RNF182: variants seen among roughly 807,000 people sequenced by gnomAD.
RNF182 encodes ring finger protein 182.
Under a neutral mutation model 14.4 loss-of-function variants are expected in RNF182, and 15 were observed. The observed-to-expected ratio is 1.04, with a 90% CI of 0.70 to 1.60. The LOEUF (loss-of-function observed/expected upper bound fraction) is 1.60. Ranked by LOEUF, RNF182 falls within the 40% of genes most tolerant of loss-of-function variation. RNF182 has a pLI of 0.00. For missense variants in RNF182, 268 were observed against 294.8 expected, an observed-to-expected ratio of 0.91 and a Z score of 0.67; for synonymous variants, 128 against 122.9, an observed-to-expected ratio of 1.04 and a Z score of -0.27.
chr6:13,940,671 G>A (rs184977741), intron 1 of RNF182, among the ~76,000 whole-genome samples: 32 of 151,758 alleles, frequency 2.1e-4, no homozygotes, highest in African/African-American at 7.7e-4. Flanking sequence ...TTCTAACTTT[G>A]TGAAAATGCT....
At chr6:13,941,906 T>C (rs1468267136) in intron 1 of RNF182, among the ~76,000 whole-genome samples, 2 of 152,216 alleles carry the variant, frequency 1.3e-5, no homozygotes, top group Non-Finnish European at 2.9e-5. Context: ...TTTATACAGT[T>C]AGTATTTATC....
rs1760438269 is a variant in RNF182, at chr6:13,979,525, G to C, written c.*1662G>C. The C allele has an allele frequency of 6.0e-6, 1 of 166,950 alleles. No individual in the cohort carries two copies. The highest frequency in any genetic ancestry group is 1.5e-5 in the Non-Finnish European group (1 of 68,124). The allele number at this position is 166,950 out of a possible 1,614,324, so 10.3% of individuals were successfully genotyped here. A position where few individuals can be genotyped will look rare whatever the true frequency, so the allele number is the denominator to read the frequency against. ...AGTAGGATGAGAATAGTATACATGG[G>C]ATATGGTCCAATGAATTTAAGCCCC... On this transcript the variant is annotated 3_prime_UTR_variant, in exon 3 of 3. Transcript: ENST00000488300.
chr6:13,965,465 C>T (rs1435689340), intron 1 of RNF182, among the ~76,000 whole-genome samples: 3 of 152,030 alleles, frequency 2.0e-5, no homozygotes, highest in Non-Finnish European at 4.4e-5. Context: ...TCTGTAAATT[C>T]AAATAGCTTA....
chr6:13,968,062 TAAC>T (rs907073179), intron 1 of RNF182, among the ~76,000 whole-genome samples: 1 of 136,932 alleles, frequency 7.3e-6, no homozygotes, highest in Non-Finnish European at 1.7e-5. Flanking sequence ...AAAAAAATCA[TAAC>T]AAACAAAAAT....
At chr6:13,950,445 A>C (rs1469530307) in intron 1 of RNF182, among the ~76,000 whole-genome samples, 1 of 151,982 alleles carries the variant, frequency 6.6e-6, no homozygotes, top group South Asian at 2.1e-4. Context: ...AATGTCTAAA[A>C]GTCATGTGAA....
chr6:13,972,551 G>A (rs979392492), intron 1 of RNF182, among the ~76,000 whole-genome samples: 5 of 152,116 alleles, frequency 3.3e-5, no homozygotes, highest in Admixed American at 1.3e-4. Flanking sequence ...TTTGTGGGCC[G>A]GACCTAGGGC....
intron 1 of RNF182, among the ~76,000 whole-genome samples, chr6:13,944,485 GAA>G (rs1405480989): frequency 3.3e-5 from 5 of 152,262 alleles, no homozygotes; most frequent in Admixed American, 2.6e-4. Flanking sequence ...AGGCCTAGTT[GAA>G]AAGAGGACTC....
At chr6:13,969,824 GGTTA>G (rs1158268212) in intron 1 of RNF182, among the ~76,000 whole-genome samples, 1 of 140,848 alleles carries the variant, frequency 7.1e-6, no homozygotes, top group Admixed American at 7.3e-5. Flanking sequence ...ACTGTTCATT[GGTTA>G]GTTAGGAATA....
rs994282036 is a variant in RNF182, at chr6:13,976,880, T to C, written c.-211-29T>C. 6 of 501,290 alleles carry C rather than the reference T, an allele frequency of 1.2e-5. No individual in the cohort carries two copies. In the Admixed American group the frequency reaches 2.1e-4, roughly 17 times the overall value. The allele number at this position is 501,290 out of a possible 1,614,324, so 31.1% of individuals were successfully genotyped here. ...AACACCGTTTCAGTGAACTGTTCAT[T>C]ATATTAGAATCTCTTTTCTTCTTTA... On this transcript the variant is annotated intron_variant, in intron 2 of 2. Transcript: ENST00000488300.
intron 1 of RNF182, chr6:13,961,547 G>A (rs887525077): frequency 3.3e-5 from 5 of 152,172 alleles, no homozygotes; most frequent in Admixed American, 2.6e-4. Context: ...AGCAGATGTG[G>A]ATACCTAAAT....
chr6:13,936,476 A>C (rs1157941379), intron 1 of RNF182, among the ~76,000 whole-genome samples: 1 of 152,230 alleles, frequency 6.6e-6, no homozygotes, highest in Non-Finnish European at 1.5e-5. Flanking sequence ...TGGTCTATAA[A>C]TATAAATTTT....
chr6:13,944,676 G>A (rs1471592853), intron 1 of RNF182, among the ~76,000 whole-genome samples: 1 of 152,162 alleles, frequency 6.6e-6, no homozygotes, highest in East Asian at 1.9e-4. Context: ...TAGTTAACCA[G>A]GTGTGCTATA....
intron 1 of RNF182, among the ~76,000 whole-genome samples, chr6:13,938,182 T>TG (rs1287332724): frequency 6.9e-6 from 1 of 145,294 alleles, no homozygotes; most frequent in Non-Finnish European, 1.5e-5. Flanking sequence ...TGTATTTTTT[T>TG]TTTTTTTTTT....
At chr6:13,956,937 C>T (rs1759749400) in intron 1 of RNF182, among the ~76,000 whole-genome samples, 3 of 152,098 alleles carry the variant, frequency 2.0e-5, no homozygotes. Flanking sequence ...CACACACACC[C>T]AGGGCAGTAC....
Position 13,979,939 on chromosome 6 carries a change from A to C in RNF182, c.*2076A>C, listed in dbSNP as rs2113659074. On this transcript the variant is annotated 3_prime_UTR_variant, in exon 3 of 3. Transcript: ENST00000488300. ...TCATGCTATTGAATGATAAAAAGAT[A>C]ATGCTTTAATATTTTATTCACTGTG... The C allele has an allele frequency of 6.0e-6, 1 of 166,988 alleles. No individual in the cohort carries two copies. The highest frequency in any genetic ancestry group is 2.1e-4 in the South Asian group (1 of 4,824). 10.3% of individuals were successfully genotyped at this position (166,988 alleles called of 1,614,324 possible).
intron 1 of RNF182, among the ~76,000 whole-genome samples, chr6:13,964,677 C>T (rs923802203): frequency 2.6e-4 from 40 of 152,106 alleles, no homozygotes; most frequent in African/African-American, 9.2e-4. Flanking sequence ...TGGCTGGTAC[C>T]GAGGGCTGGC....
chr6:13,927,478 G>C (rs568191704), intron 1 of RNF182, among the ~76,000 whole-genome samples: 1 of 152,126 alleles, frequency 6.6e-6, no homozygotes, highest in Admixed American at 6.5e-5. Context: ...ACGTAAAATT[G>C]GTCCTAATTT....
chr6:13,938,605 T>C (rs1460957446), intron 1 of RNF182, among the ~76,000 whole-genome samples: 1 of 152,208 alleles, frequency 6.6e-6, no homozygotes, highest in Non-Finnish European at 1.5e-5. Flanking sequence ...TATAACCCCT[T>C]TGAATTGATT....
chr6:13,949,318 A>G, intron 1 of RNF182: 1 of 774,614 alleles, frequency 1.3e-6, no homozygotes, highest in Non-Finnish European at 2.4e-6. Context: ...ATCCTGCGGT[A>G]ATCTTTAATA....
Sources: gnomAD v4.1 joint callset for allele counts (sites outside exome capture counted in the v4.1 genomes callset) on GRCh38, gnomAD v4.1.1 for gene constraint, MANE v1.5 for transcripts, NCBI Gene and HGNC (gene_info 2026-07-23, HGNC 2026-07-21) for gene names.